RBFOX1: variants seen among roughly 807,000 people sequenced by gnomAD.
RBFOX1 encodes the protein RNA binding fox-1 homolog 1.
A neutral mutation model predicts 57.7 loss-of-function variants in RBFOX1; 8 were observed. The observed-to-expected ratio is 0.14, with a 90% CI of 0.08 to 0.25. The LOEUF is 0.25. Among genes scored for constraint, RBFOX1 ranks in the 10% least tolerant of loss-of-function variants. RBFOX1 has a pLI of 1.00. For synonymous variants in RBFOX1, 326 were observed against 222.4 expected, an observed-to-expected ratio of 1.47 and a Z score of -4.15; for missense variants, 611 against 548.5, an observed-to-expected ratio of 1.11 and a Z score of -1.14.
intron 4 of RBFOX1, among the ~76,000 whole-genome samples, chr16:7,353,271 G>A (rs998830458): frequency 6.6e-6 from 1 of 152,098 alleles, no homozygotes; most frequent in African/African-American, 2.4e-5. Flanking sequence ...ATGCATTGAT[G>A]ACCCTAGCTA....
chr16:5,859,252 A>T (rs1415400368), intron 3 of RBFOX1, among the ~76,000 whole-genome samples: 2 of 152,132 alleles, frequency 1.3e-5, no homozygotes, highest in East Asian at 3.9e-4. Context: ...GGCTGTTTGC[A>T]AGTGGCTCTG....
At chr16:5,897,048 G>T (rs10852669) in intron 4 of RBFOX1, among the ~76,000 whole-genome samples, 7 of 90,224 alleles carry the variant, frequency 7.8e-5, no homozygotes, top group African/African-American at 9.3e-5. Context: ...TTTTTTTTTG[G>T]GACGGAGTCT....
intron 2 of RBFOX1, among the ~76,000 whole-genome samples, chr16:6,494,085 G>A (rs1002672659): frequency 1.3e-5 from 2 of 152,134 alleles, no homozygotes; most frequent in Admixed American, 6.5e-5. Context: ...AGAGATAAAT[G>A]TAGCATATGC....
intron 3 of RBFOX1, among the ~76,000 whole-genome samples, chr16:6,911,557 G>A (rs1188090667): frequency 6.6e-6 from 1 of 152,020 alleles, no homozygotes; most frequent in Non-Finnish European, 1.5e-5. Flanking sequence ...CAGTCATATT[G>A]AACTATGACC....
intron 2 of RBFOX1, among the ~76,000 whole-genome samples, chr16:6,404,713 G>C (rs1349629882): frequency 3.3e-5 from 5 of 152,138 alleles, no homozygotes; most frequent in Non-Finnish European, 5.9e-5. Context: ...ACCTTTTGCT[G>C]TTCCCAGATT....
intron 2 of RBFOX1, among the ~76,000 whole-genome samples, chr16:5,515,946 G>A (rs901626835): frequency 6.6e-6 from 1 of 152,160 alleles, no homozygotes; most frequent in Non-Finnish European, 1.5e-5. Flanking sequence ...TGAAGAAACG[G>A]AGGCCCAGAA....
chr16:7,365,215 A>G (rs1053786674), intron 4 of RBFOX1, among the ~76,000 whole-genome samples: 3 of 152,208 alleles, frequency 2.0e-5, no homozygotes, highest in African/African-American at 7.2e-5. Context: ...TTTGTGAGAT[A>G]TAAATGTCAT....
intron 1 of RBFOX1, among the ~76,000 whole-genome samples, chr16:6,159,544 G>C (rs112617765): frequency 1.2e-4 from 18 of 152,280 alleles, no homozygotes; most frequent in African/African-American, 4.3e-4. Context: ...ACAGCACAGG[G>C]TCTGCCCTAA....
At chr16:5,585,165 C>G (rs940266517) in intron 2 of RBFOX1, among the ~76,000 whole-genome samples, 1 of 152,268 alleles carries the variant, frequency 6.6e-6, no homozygotes, top group Admixed American at 6.5e-5. Context: ...GAACTACTCC[C>G]CATCCTGCCC....
intron 2 of RBFOX1, among the ~76,000 whole-genome samples, chr16:5,530,813 C>T (rs1008967902): frequency 4.6e-5 from 7 of 151,890 alleles, no homozygotes; most frequent in East Asian, 1.9e-4. Flanking sequence ...CCAGCCCAGG[C>T]GTGGTGGCTC....
intron 4 of RBFOX1, among the ~76,000 whole-genome samples, chr16:7,259,544 T>C (rs567527890): frequency 6.6e-6 from 1 of 151,254 alleles, no homozygotes; most frequent in African/African-American, 2.4e-5. Flanking sequence ...CAGGAGATAG[T>C]CAGTATAAAT....
At chr16:7,122,005 C>G (rs1259819803) in intron 4 of RBFOX1, among the ~76,000 whole-genome samples, 2 of 151,922 alleles carry the variant, frequency 1.3e-5, no homozygotes, top group Non-Finnish European at 2.9e-5. Flanking sequence ...AAAATTAACT[C>G]AAAATGGATC....
chr16:5,878,766 G>A (rs1397159017), intron 4 of RBFOX1, among the ~76,000 whole-genome samples: 1 of 152,084 alleles, frequency 6.6e-6, no homozygotes, highest in East Asian at 1.9e-4. Flanking sequence ...GCTGTGAAAT[G>A]GTGTGGTGTT....
intron 4 of RBFOX1, among the ~76,000 whole-genome samples, chr16:7,215,421 A>T (rs969017384): frequency 6.6e-6 from 1 of 152,208 alleles, no homozygotes; most frequent in Non-Finnish European, 1.5e-5. Context: ...ACCAACCCAA[A>T]TGTCCATCAA....
chr16:7,249,837 T>C (rs902023847), intron 4 of RBFOX1, among the ~76,000 whole-genome samples: 4 of 152,200 alleles, frequency 2.6e-5, no homozygotes, highest in Non-Finnish European at 5.9e-5. Context: ...TGGAAATACT[T>C]GAATAAAGGT....
chr16:7,428,280 A>G (rs1362684534), intron 4 of RBFOX1, among the ~76,000 whole-genome samples: 2 of 150,962 alleles, frequency 1.3e-5, no homozygotes, highest in Non-Finnish European at 2.9e-5. Context: ...TTTTTGTTGA[A>G]TAAGTTTTGT....
intron 3 of RBFOX1, among the ~76,000 whole-genome samples, chr16:6,763,814 A>C (rs2076962115): frequency 6.6e-6 from 1 of 152,010 alleles, no homozygotes; most frequent in Non-Finnish European, 1.5e-5. Flanking sequence ...GGGAATAGCA[A>C]ATGGTCTTTT....
intron 3 of RBFOX1, among the ~76,000 whole-genome samples, chr16:5,724,039 G>T (rs796831718): frequency 6.6e-6 from 1 of 152,102 alleles, no homozygotes; most frequent in Admixed American, 6.5e-5. Flanking sequence ...TTGTGTGTCC[G>T]TGTGTGTGCA....
chr16:6,874,385 C>A (rs906683287), intron 3 of RBFOX1, among the ~76,000 whole-genome samples: 31 of 152,044 alleles, frequency 2.0e-4, no homozygotes, highest in Middle Eastern at 3.4e-3. Context: ...TGGCAGGTGC[C>A]TGTAGTCCCA....
Sources: allele counts gnomAD v4.1 joint callset (sites outside exome capture counted in the v4.1 genomes callset), GRCh38; gene constraint gnomAD v4.1.1; transcripts MANE v1.5; gene names NCBI Gene and HGNC (gene_info 2026-07-23, HGNC 2026-07-21).